Variants in CAPS2 observed in about 807,000 individuals in gnomAD.
CAPS2 encodes calcyphosin-2.
In CAPS2, 98 loss-of-function variants were observed where a neutral mutation model predicts 86.5. The ratio of observed to expected loss-of-function variants is 1.13; its 90% CI spans 0.96 to 1.34. The LOEUF (loss-of-function observed/expected upper bound fraction) is 1.34. CAPS2 is among the 40% of genes most tolerant of loss of function. CAPS2 has a pLI of 0.00. For missense variants in CAPS2, 729 were observed against 686.8 expected (o/e 1.06, Z -0.69); for synonymous variants, 210 against 225.1 (o/e 0.93, Z 0.60).
intron 1 of CAPS2, among the ~76,000 whole-genome samples, chr12:75,389,762 C>G (rs4391857): frequency 0.53 from 79,732 of 151,862 alleles, 21,003 homozygotes; most frequent in East Asian, 0.58. Flanking sequence ...GGCTTCCCTG[C>G]TCCTCCACAA....
chr12:75,388,011 T>C (rs544359366), intron 1 of CAPS2, among the ~76,000 whole-genome samples: 1 of 152,334 alleles, frequency 6.6e-6, no homozygotes, highest in South Asian at 2.1e-4. Flanking sequence ...TGCAAATTGA[T>C]ATGGTTTGGC....
rs1424775461 is a variant in CAPS2, at chr12:75,294,471, T to C, written c.1045-1104A>G. ...TTCTCAAGGACCGGTGAGCCACTCTTTGAGTGTAAACAGCAAGGGAGAGAG... is the reference window on the plus strand; with the variant it reads ...TTCTCAAGGACCGGTGAGCCACTCTCTGAGTGTAAACAGCAAGGGAGAGAG... On this transcript the variant is annotated intron_variant, in intron 11 of 16. Transcript: ENST00000393284. Among the ~76,000 whole-genome samples the C allele has an allele frequency of 3.0e-4, 46 of 152,186 alleles. 1 individual carries two copies. Among genetic ancestry groups the C allele is most frequent in the Admixed American group, 3.0e-3 (46 of 15,270 alleles).
intron 7 of CAPS2, among the ~76,000 whole-genome samples, chr12:75,310,700 T>A (rs774334834): frequency 1.3e-5 from 2 of 152,138 alleles, no homozygotes; most frequent in Non-Finnish European, 2.9e-5. Flanking sequence ...CACACAGTTA[T>A]ACGACTCTGC....
At position 75,282,493 on chromosome 12, in the gene CAPS2, T is replaced by A. The variant is rs542993683; in HGVS notation, c.1516-146A>T. 722 of 595,160 alleles carry A rather than the reference T, an allele frequency of 1.2e-3. 7 individuals are homozygous for A. The highest frequency in any genetic ancestry group is 1.6e-4 in the Non-Finnish European group (52 of 328,120). The allele number at this position is 595,160 out of a possible 1,614,324, so 36.9% of individuals were successfully genotyped here. A position where few individuals can be genotyped will look rare whatever the true frequency, so the allele number is the denominator to read the frequency against. The stretch of plus-strand genomic sequence containing the variant: ...TCTCCGCCTCCCAGGTTCAAGTGTT[T>A]CTCCTGCCTCAGCCTACCGAGTAGC... On this transcript the variant is annotated intron_variant, in intron 15 of 16. Coordinates refer to ENST00000393284, the Ensembl canonical transcript of CAPS2.
rs148878839 is a variant in CAPS2 at position 75,369,653 on chromosome 12, C to T, written c.-395+21185G>A. 6.7e-3 allele frequency: 6,589 copies of T among 983,728 alleles called. 19 individuals are homozygous for T. The highest frequency in any genetic ancestry group is 0.038 in the Middle Eastern group (73 of 1,912). 60.9% of individuals were successfully genotyped at this position (983,728 alleles called of 1,614,324 possible). A position where few individuals can be genotyped will look rare whatever the true frequency, so the allele number is the denominator to read the frequency against. On this transcript the variant is annotated intron_variant, in intron 1 of 5. Transcript: ENST00000551829. Reference sequence around the variant, plus strand: ...TGAAGAAATTACGTTTCTTCAGGGACGTGAATTGGGAATGAAAGAGTGGGA... The same window carrying T: ...TGAAGAAATTACGTTTCTTCAGGGATGTGAATTGGGAATGAAAGAGTGGGA...
chr12:75,370,068 G>A, intron 1 of CAPS2: 2 of 1,527,222 alleles, frequency 1.3e-6, no homozygotes, highest in Non-Finnish European at 1.8e-6. Context: ...TTCTGGTTTT[G>A]TTTTTGTTTT....
In CAPS2 at chr12:75,371,486, C is replaced by T. The variant is rs374532702; in HGVS notation, c.-395+19352G>A. 48 of 357,594 alleles carry T rather than the reference C, an allele frequency of 1.3e-4. No individual in the cohort carries two copies. In the East Asian group the frequency reaches 1.5e-3, roughly 12 times the overall value. The allele number at this position is 357,594 out of a possible 1,614,324, so 22.2% of individuals were successfully genotyped here. A position where few individuals can be genotyped will look rare whatever the true frequency, so the allele number is the denominator to read the frequency against. ...CCCAGGAACAATACTTTGCATCCTTCAATAAAGTTGACAATATTAACCATC... is the reference window on the plus strand; with the variant it reads ...CCCAGGAACAATACTTTGCATCCTTTAATAAAGTTGACAATATTAACCATC... On this transcript the variant is annotated intron_variant, in intron 1 of 5. Coordinates refer to the CAPS2 transcript ENST00000551829.
intron 1 of CAPS2, chr12:75,369,875 T>C (rs1339845794): frequency 7.4e-7 from 1 of 1,345,486 alleles, no homozygotes; most frequent in Non-Finnish European, 9.6e-7. Flanking sequence ...TAGTTGATTG[T>C]CTTATTCTAA....
At chr12:75,278,953 T>C in exon 17 of CAPS2, 1 of 1,610,294 alleles carries the variant, frequency 6.2e-7, no homozygotes, top group East Asian at 2.2e-5. Context: ...TTCCTATACT[T>C]AAACCTTCAT....
At chr12:75,384,931 T>C (rs2045208416) in intron 1 of CAPS2, among the ~76,000 whole-genome samples, 2 of 152,236 alleles carry the variant, frequency 1.3e-5, no homozygotes, top group Admixed American at 6.5e-5. Flanking sequence ...TATTGGGTTA[T>C]GAGGGCTCTG....
At chr12:75,284,486 G>A (rs1286947369) in intron 15 of CAPS2, among the ~76,000 whole-genome samples, 1 of 151,948 alleles carries the variant, frequency 6.6e-6, no homozygotes, top group East Asian at 1.9e-4. Context: ...TATTTATCAT[G>A]CATATTCTAA....
intron 1 of CAPS2, among the ~76,000 whole-genome samples, chr12:75,340,801 C>T (rs2042052093): frequency 6.7e-6 from 1 of 150,216 alleles, no homozygotes; most frequent in African/African-American, 2.4e-5. Context: ...CAGAGATATA[C>T]AGATGGAAAA....
intron 1 of CAPS2, among the ~76,000 whole-genome samples, chr12:75,387,226 A>C (rs1196092589): frequency 1.3e-5 from 2 of 152,204 alleles, no homozygotes; most frequent in Non-Finnish European, 2.9e-5. Context: ...AAAAACAAAC[A>C]GTTTAATTTA....
At chr12:75,321,479 T>C (rs1203884616) in exon 5 of CAPS2, 5 of 1,545,468 alleles carry the variant, frequency 3.2e-6, no homozygotes, top group East Asian at 2.5e-5. Flanking sequence ...CTGACTATAC[T>C]GCTTATAGCC....
At chr12:75,331,094 T>G (rs1434664112), upstream of CAPS2, among the ~76,000 whole-genome samples, 1 of 152,094 alleles carries the variant, frequency 6.6e-6, no homozygotes, top group African/African-American at 2.4e-5. Flanking sequence ...CTAAATATTT[T>G]TATGTATGCT....
At chr12:75,330,480 C>G (rs1263885073), upstream of CAPS2, among the ~76,000 whole-genome samples, 7 of 152,212 alleles carry the variant, frequency 4.6e-5, no homozygotes. Flanking sequence ...TTTCATAAGG[C>G]ACCTGTCTGT....
intron 1 of CAPS2, among the ~76,000 whole-genome samples, chr12:75,352,343 G>A (rs764055557): frequency 1.8e-4 from 27 of 152,114 alleles, no homozygotes; most frequent in Admixed American, 1.8e-3. Flanking sequence ...AAAAAGCAGA[G>A]GTTGAAATCC....
At chr12:75,311,699 G>GAAAAAAAAAAAAAAAA (rs764314438) in intron 7 of CAPS2, among the ~76,000 whole-genome samples, 2 of 16,994 alleles carry the variant, frequency 1.2e-4, no homozygotes, top group African/African-American at 1.2e-4. Context: ...AAGCCATGCA[G>GAAAAAAAAAAAAAAAA]GAAAAAAAAA....
intron 1 of CAPS2, among the ~76,000 whole-genome samples, chr12:75,354,836 A>T (rs2043046597): frequency 6.6e-6 from 1 of 152,170 alleles, no homozygotes; most frequent in South Asian, 2.1e-4. Context: ...CACATCTATA[A>T]TCAACTAGTC....
Sources: gnomAD v4.1 joint callset for allele counts (sites outside exome capture counted in the v4.1 genomes callset) on GRCh38, gnomAD v4.1.1 for gene constraint, MANE v1.5 for transcripts, NCBI Gene and HGNC (gene_info 2026-07-23, HGNC 2026-07-21) for gene names.